The following ZNF469 variants were observed in gnomAD, a reference collection of about 807,000 sequenced individuals.
The protein encoded by ZNF469 is zinc finger protein 469.
In ZNF469, 1 loss-of-function variant was observed where a neutral mutation model predicts 1.0. That is an observed-to-expected ratio of 1.00 (90% CI 0.35 to 4.73). The LOEUF (loss-of-function observed/expected upper bound fraction) is 4.73, where lower values mean the gene tolerates loss of function less well. Ranked by LOEUF, ZNF469 falls within the 30% of genes most tolerant of loss-of-function variation. The pLI, the probability that ZNF469 is intolerant of heterozygous loss-of-function variation, is 0.16. For missense variants in ZNF469, 6,100 were observed against 5,356.3 expected (o/e 1.14, Z -4.33); for synonymous variants, 2,703 against 2,363.4 (o/e 1.14, Z -4.17).
chr16:88,314,132 G>T, the ZNF469 span, among the ~76,000 whole-genome samples: 2 of 138,170 alleles, frequency 1.4e-5, no homozygotes, highest in African/African-American at 2.5e-5. Flanking sequence ...TTCAGGCAGT[G>T]CTGGTGTGGA....
the ZNF469 span, among the ~76,000 whole-genome samples, chr16:88,375,069 C>T: frequency 1.3e-5 from 2 of 152,248 alleles, no homozygotes; most frequent in Admixed American, 6.5e-5. Context: ...GAAGGACAGG[C>T]CCGAAGGCTG....
chr16:88,154,306 C>T, the ZNF469 span, among the ~76,000 whole-genome samples: 18 of 152,242 alleles, frequency 1.2e-4, no homozygotes, highest in East Asian at 1.7e-3. Context: ...TACAGGCATG[C>T]GCCACCACGC....
the ZNF469 span, among the ~76,000 whole-genome samples, chr16:88,151,477 C>T: frequency 0.022 from 3,321 of 152,330 alleles, 113 homozygotes; most frequent in African/African-American, 0.075. The surrounding 1 kb of genome is among the most constrained non-coding windows in gnomAD (Gnocchi z 5.4). Context: ...TTTCGCTTTG[C>T]GGTGCTCACC....
the ZNF469 span, among the ~76,000 whole-genome samples, chr16:88,157,738 C>G: frequency 4.3e-4 from 66 of 152,206 alleles, no homozygotes; most frequent in Non-Finnish European, 8.2e-4. Context: ...AGATGCCTTC[C>G]CTCAGCCCCC....
chr16:88,251,979 G>C, the ZNF469 span, among the ~76,000 whole-genome samples: 1 of 151,190 alleles, frequency 6.6e-6, no homozygotes, highest in East Asian at 1.9e-4. Flanking sequence ...CTCAGATTTA[G>C]GGTCTCGGTG....
chr16:88,125,701 G>A, the ZNF469 span, among the ~76,000 whole-genome samples: 1 of 152,184 alleles, frequency 6.6e-6, no homozygotes. Context: ...TCAGAGTATA[G>A]TAGCTCATAT....
the ZNF469 span, among the ~76,000 whole-genome samples, chr16:88,201,031 C>A: frequency 6.6e-6 from 1 of 152,214 alleles, no homozygotes; most frequent in Admixed American, 6.5e-5. This position sits in a 1 kb window ranked among gnomAD's most constrained non-coding sequence, Gnocchi z 5.0. Flanking sequence ...CGTCATCAAG[C>A]GGGCTGGAGC....
At chr16:88,422,859 T>C (rs1905532940) in intron 1 of ZNF469, among the ~76,000 whole-genome samples, 1 of 119,602 alleles carries the variant, frequency 8.4e-6, no homozygotes, top group Non-Finnish European at 1.7e-5. Flanking sequence ...GGATGGATGA[T>C]GATGATGGAT....
chr16:88,147,466 C>T, the ZNF469 span, among the ~76,000 whole-genome samples: 2 of 151,960 alleles, frequency 1.3e-5, no homozygotes, highest in Admixed American at 6.5e-5. Flanking sequence ...TCCAGGGCTG[C>T]GAATTCAGGC....
the ZNF469 span, among the ~76,000 whole-genome samples, chr16:88,244,432 GA>G: frequency 2.5e-4 from 34 of 133,588 alleles, no homozygotes; most frequent in Admixed American, 1.1e-3. Context: ...TGGATGGATG[GA>G]TAGGTGGATA....
the ZNF469 span, among the ~76,000 whole-genome samples, chr16:88,153,056 C>T: frequency 6.6e-6 from 1 of 152,156 alleles, no homozygotes; most frequent in Non-Finnish European, 1.5e-5. Flanking sequence ...GCGAGGGTTC[C>T]CTCCCACGAC....
chr16:88,243,915 T>TAC, the ZNF469 span, among the ~76,000 whole-genome samples: 492 of 59,092 alleles, frequency 8.3e-3, 21 homozygotes, highest in Non-Finnish European at 0.011. Context: ...TGGATGCATA[T>TAC]ATATATATAT....
chr16:88,126,980 C>T, the ZNF469 span, among the ~76,000 whole-genome samples: 5 of 152,094 alleles, frequency 3.3e-5, no homozygotes, highest in South Asian at 2.1e-4. Flanking sequence ...CCACCACGCC[C>T]GGCTATTTTT....
intron 1 of ZNF469, among the ~76,000 whole-genome samples, chr16:88,389,043 G>A (rs887388788): frequency 1.4e-4 from 21 of 152,352 alleles, no homozygotes; most frequent in African/African-American, 2.9e-4. Flanking sequence ...TCACATAACC[G>A]CTCTCCTACA....
the ZNF469 span, among the ~76,000 whole-genome samples, chr16:88,207,941 G>C: frequency 6.6e-6 from 1 of 152,096 alleles, no homozygotes; most frequent in Non-Finnish European, 1.5e-5. Context: ...TGTCTTTGGC[G>C]GCCATGATTT....
intron 1 of ZNF469, among the ~76,000 whole-genome samples, chr16:88,398,451 A>G (rs1211179002): frequency 6.7e-6 from 1 of 149,716 alleles, no homozygotes. Flanking sequence ...CATGTGAGAC[A>G]TGGTTAAAGG....
chr16:88,369,196 A>T, the ZNF469 span, among the ~76,000 whole-genome samples: 18,127 of 152,046 alleles, frequency 0.12, 1,663 homozygotes, highest in African/African-American at 0.24. Flanking sequence ...GAAAGTTCTG[A>T]GCCATGGATT....
chr16:88,362,140 A>C, the ZNF469 span, among the ~76,000 whole-genome samples: 1 of 152,112 alleles, frequency 6.6e-6, no homozygotes, highest in East Asian at 1.9e-4. Context: ...GGTCCTTTAC[A>C]TTTCCCTATC....
At chr16:88,213,578 T>C in the ZNF469 span, among the ~76,000 whole-genome samples, 15 of 152,340 alleles carry the variant, frequency 9.8e-5, no homozygotes, top group African/African-American at 3.4e-4. Context: ...ATCCACATGT[T>C]TGTGTCTTCA....
Sources: allele counts gnomAD v4.1 joint callset (sites outside exome capture counted in the v4.1 genomes callset), GRCh38; gene constraint gnomAD v4.1.1; non-coding constraint Gnocchi (gnomAD v3.1); transcripts MANE v1.5; gene names NCBI Gene and HGNC (gene_info 2026-07-23, HGNC 2026-07-21).